The following CFAP418 variants were observed in gnomAD, a reference collection of about 807,000 sequenced individuals.
The protein encoded by CFAP418 is cilia- and flagella-associated protein 418.
CFAP418 carries 27 observed loss-of-function variants against 24.7 expected under a neutral mutation model. That is an observed-to-expected ratio of 1.09 (90% CI 0.81 to 1.51). The LOEUF (loss-of-function observed/expected upper bound fraction) is 1.51, where lower values mean the gene tolerates loss of function less well. CFAP418 is among the 40% of genes most tolerant of loss of function. The probability of loss-of-function intolerance (pLI) is 0.00; values close to 1 mark genes in which losing one functional copy is unlikely to be tolerated. For synonymous variants in CFAP418, 74 were observed against 87.3 expected, an observed-to-expected ratio of 0.85 and a Z score of 0.85; for missense variants, 257 against 255.2, an observed-to-expected ratio of 1.01 and a Z score of -0.05.
rs776678557 is a variant in CFAP418, at chr8:95,260,449, C to A, written c.308+19G>T. 9.0e-6 allele frequency: 14 copies of A among 1,557,668 alleles called. No individual in the cohort carries two copies. Among genetic ancestry groups the A allele is most frequent in the African/African-American group, 1.4e-5 (1 of 71,976 alleles). ...TTGCTCAATAGTGTGTATAATTCAC[C>A]AAAGCAATCTCAACTTACCTTTTAC... On this transcript the variant is annotated intron_variant, in intron 3 of 5. Transcript: ENST00000286688.
chr8:95,268,376 C>G (rs151038081), intron 1 of CFAP418, among the ~76,000 whole-genome samples: 1 of 151,968 alleles, frequency 6.6e-6, no homozygotes, highest in Non-Finnish European at 1.5e-5. Flanking sequence ...TAGGGTAGGC[C>G]GAGGTGGGAG....
chr8:95,266,238 A>G (rs1587358667), intron 1 of CFAP418, among the ~76,000 whole-genome samples: 1 of 152,334 alleles, frequency 6.6e-6, no homozygotes, highest in Middle Eastern at 3.4e-3. Context: ...TATAGTTATC[A>G]TCTAGAAAGC....
At chr8:95,268,776 G>GGGCA (rs1554559652) in intron 1 of CFAP418, 18 of 229,138 alleles carry the variant, frequency 7.9e-5, no homozygotes, top group South Asian at 1.7e-4. Context: ...GGGGCGGGGC[G>GGGCA]GGGCGGGGCG....
chr8:95,253,265 G>A (rs572363173), intron 4 of CFAP418, among the ~76,000 whole-genome samples: 6 of 151,558 alleles, frequency 4.0e-5, no homozygotes, highest in Non-Finnish European at 7.4e-5. Flanking sequence ...AGGGGAGATC[G>A]CGCCACTGCA....
At chr8:95,268,782 G>C (rs1276441377) in intron 1 of CFAP418, 2 of 267,160 alleles carry the variant, frequency 7.5e-6, no homozygotes, top group Non-Finnish European at 1.4e-5. Context: ...GGGCGGGGCG[G>C]GGCGGGGCGG....
chr8:95,256,155 G>C (rs567450865), intron 4 of CFAP418, among the ~76,000 whole-genome samples: 5 of 152,050 alleles, frequency 3.3e-5, no homozygotes, highest in African/African-American at 9.7e-5. Context: ...ATCAAAGTAC[G>C]TACAAAATAT....
chr8:95,264,587 T>C (rs1413036225), intron 1 of CFAP418, among the ~76,000 whole-genome samples: 3 of 152,224 alleles, frequency 2.0e-5, no homozygotes, highest in Non-Finnish European at 4.4e-5. Flanking sequence ...CTTAATACTA[T>C]ACAAGATTAA....
At chr8:95,260,134 G>A (rs1243981799) in intron 3 of CFAP418, among the ~76,000 whole-genome samples, 18 of 152,156 alleles carry the variant, frequency 1.2e-4, no homozygotes, top group Admixed American at 1.2e-3. Flanking sequence ...ATTAAAATGA[G>A]TAAAAGAAAA....
At chr8:95,253,202 C>T (rs1365354393) in intron 4 of CFAP418, among the ~76,000 whole-genome samples, 2 of 151,912 alleles carry the variant, frequency 1.3e-5, no homozygotes, top group Non-Finnish European at 1.5e-5. Flanking sequence ...CCCAGCTACT[C>T]AGGAGGCTGA....
At chr8:95,262,372 G>A (rs28721532) in intron 2 of CFAP418, among the ~76,000 whole-genome samples, 22,900 of 151,794 alleles carry the variant, frequency 0.15, 1,834 homozygotes, top group South Asian at 0.24. Context: ...TTTTAGTCTG[G>A]GTGACAAAAA....
chr8:95,251,576 G>A (rs918233610), intron 5 of CFAP418, among the ~76,000 whole-genome samples: 4 of 152,162 alleles, frequency 2.6e-5, no homozygotes, highest in Non-Finnish European at 4.4e-5. Flanking sequence ...TATACTCTGA[G>A]CTATGCTTTA....
chr8:95,268,441 C>T (rs1239034208), intron 1 of CFAP418, among the ~76,000 whole-genome samples: 1 of 152,088 alleles, frequency 6.6e-6, no homozygotes, highest in Admixed American at 6.5e-5. Context: ...TGCCACTGCA[C>T]TCCAACCTGG....
Position 95,247,594 on chromosome 8 carries a change from G to A in CFAP418, c.*23C>T. On this transcript the variant is annotated 3_prime_UTR_variant, in exon 6 of 6. Transcript: ENST00000286688. The stretch of plus-strand genomic sequence containing the variant: ...GGAGACCACTCTCATGGATGCATCT[G>A]TCCGAATGTGCAGTCTGCATTCTTA... 1 of 1,613,558 alleles carries A rather than the reference G, an allele frequency of 6.2e-7. No homozygotes were observed. Among genetic ancestry groups the A allele is most frequent in the Non-Finnish European group, 8.5e-7 (1 of 1,179,700 alleles).
At chr8:95,251,052 T>C (rs1811698981) in intron 5 of CFAP418, among the ~76,000 whole-genome samples, 1 of 152,260 alleles carries the variant, frequency 6.6e-6, no homozygotes, top group African/African-American at 2.4e-5. Flanking sequence ...AGTTCAAATA[T>C]ATTTTTATAA....
At chr8:95,250,611 G>A (rs558639705) in intron 5 of CFAP418, among the ~76,000 whole-genome samples, 4 of 152,114 alleles carry the variant, frequency 2.6e-5, no homozygotes, top group African/African-American at 9.7e-5. Context: ...AATAGCAGAG[G>A]GTTTAGAAAA....
chr8:95,251,769 A>G (rs1000405709), intron 5 of CFAP418, among the ~76,000 whole-genome samples: 5 of 152,174 alleles, frequency 3.3e-5, no homozygotes, highest in African/African-American at 9.7e-5. Context: ...TTGTTAGGCA[A>G]TTCCATCATT....
At chr8:95,261,766 A>AT in intron 2 of CFAP418, among the ~76,000 whole-genome samples, 1 of 152,276 alleles carries the variant, frequency 6.6e-6, no homozygotes, top group South Asian at 2.1e-4. Context: ...TCAAATTAGT[A>AT]TATCTTAAAG....
intron 4 of CFAP418, among the ~76,000 whole-genome samples, chr8:95,258,087 A>G (rs1361334828): frequency 6.6e-6 from 1 of 152,208 alleles, no homozygotes. Flanking sequence ...AAAAGTTTAA[A>G]AAGTGAAAAA....
At chr8:95,268,386 G>T (rs533626669) in intron 1 of CFAP418, among the ~76,000 whole-genome samples, 1 of 152,216 alleles carries the variant, frequency 6.6e-6, no homozygotes, top group East Asian at 1.9e-4. Context: ...CGAGGTGGGA[G>T]GATCTTTGAA....
Sources: gnomAD v4.1 joint callset for allele counts (sites outside exome capture counted in the v4.1 genomes callset) on GRCh38, gnomAD v4.1.1 for gene constraint, MANE v1.5 for transcripts, NCBI Gene and HGNC (gene_info 2026-07-23, HGNC 2026-07-21) for gene names.